PRKAG2: variants seen among roughly 807,000 people sequenced by gnomAD.
The protein encoded by PRKAG2 is protein kinase AMP-activated non-catalytic subunit gamma 2, also known as 5'-AMP-activated protein kinase subunit gamma-2.
In PRKAG2, 26 loss-of-function variants were observed where a neutral mutation model predicts 69.6. That is an observed-to-expected ratio of 0.37 (90% CI 0.27 to 0.52). The LOEUF (loss-of-function observed/expected upper bound fraction) is 0.52, where lower values mean the gene tolerates loss of function less well. PRKAG2 is among the 20% of genes least tolerant of loss of function. The probability of loss-of-function intolerance (pLI) is 0.90; values close to 1 mark genes in which losing one functional copy is unlikely to be tolerated. For missense variants in PRKAG2, 557 were observed against 740.0 expected, an observed-to-expected ratio of 0.75 and a Z score of 2.87; for synonymous variants, 293 against 285.0, an observed-to-expected ratio of 1.03 and a Z score of -0.28.
intron 5 of PRKAG2, among the ~76,000 whole-genome samples, chr7:151,623,068 T>TA (rs1020728271): frequency 6.6e-6 from 1 of 152,038 alleles, no homozygotes; most frequent in African/African-American, 2.4e-5. Flanking sequence ...TGGCATGAGT[T>TA]AGAGTCTCAT....
intron 5 of PRKAG2, among the ~76,000 whole-genome samples, chr7:151,627,795 C>T (rs112856920): frequency 3.8e-4 from 58 of 152,136 alleles, no homozygotes; most frequent in African/African-American, 1.3e-3. Flanking sequence ...CCCAAGTAGC[C>T]GGAACCACAG....
chr7:151,791,122 T>C (rs2077257061), intron 1 of PRKAG2, among the ~76,000 whole-genome samples: 1 of 152,170 alleles, frequency 6.6e-6, no homozygotes, highest in Admixed American at 6.5e-5. Context: ...CTGGCACAGA[T>C]GGCAGGCTTT....
At chr7:151,861,039 G>C (rs1332763325) in intron 1 of PRKAG2, among the ~76,000 whole-genome samples, 50 of 152,204 alleles carry the variant, frequency 3.3e-4, no homozygotes, top group Admixed American at 3.3e-3. Flanking sequence ...CCAAGGCCAA[G>C]CCCATTTCTA....
intron 4 of PRKAG2, among the ~76,000 whole-genome samples, chr7:151,669,751 T>G (rs1223972263): frequency 6.6e-6 from 1 of 151,206 alleles, no homozygotes; most frequent in Non-Finnish European, 1.5e-5. Flanking sequence ...TGCACACACC[T>G]GCATGCACAC....
Position 151,814,345 on chromosome 7 carries a change from G to A in PRKAG2, c.115-27804C>T, listed in dbSNP as rs2078572333. The A allele has an allele frequency of 9.3e-7, 1 of 1,079,464 alleles. No homozygotes were observed. The highest frequency in any genetic ancestry group is 1.2e-6 in the Non-Finnish European group (1 of 862,792). The allele number at this position is 1,079,464 out of a possible 1,614,324, so 66.9% of individuals were successfully genotyped here. Reference sequence around the variant, plus strand: ...ACCAAGGAGACAAAGCATCGTGAGGGGGAAAACCGCACACCCAGGGACGCA... The same window carrying A: ...ACCAAGGAGACAAAGCATCGTGAGGAGGAAAACCGCACACCCAGGGACGCA... On this transcript the variant is annotated intron_variant, in intron 1 of 15. Coordinates refer to ENST00000287878, the MANE Select transcript of PRKAG2 (RefSeq NM_016203.4). This position sits in a 1 kb window ranked among gnomAD's most constrained non-coding sequence, Gnocchi z 4.8.
At chr7:151,584,647 T>G (rs1811224425) in intron 6 of PRKAG2, among the ~76,000 whole-genome samples, 1 of 152,156 alleles carries the variant, frequency 6.6e-6, no homozygotes, top group African/African-American at 2.4e-5. Context: ...CTAGGCACAG[T>G]GGCTTCGGGA....
intron 1 of PRKAG2, among the ~76,000 whole-genome samples, chr7:151,804,957 A>G (rs1042394938): frequency 6.6e-6 from 1 of 152,174 alleles, no homozygotes; most frequent in Admixed American, 6.5e-5. Flanking sequence ...TCAAAGTCTG[A>G]AAGCCGCTGC....
intron 4 of PRKAG2, among the ~76,000 whole-genome samples, chr7:151,661,359 G>T (rs993612135): frequency 3.9e-5 from 6 of 152,012 alleles, no homozygotes; most frequent in Non-Finnish European, 8.8e-5. Flanking sequence ...TATGTTTTTG[G>T]TAGAGACGGG....
intron 3 of PRKAG2, among the ~76,000 whole-genome samples, chr7:151,712,210 C>A (rs1217980676): frequency 6.6e-6 from 1 of 152,228 alleles, no homozygotes; most frequent in Admixed American, 6.5e-5. Context: ...CTCCGCCCGA[C>A]CCTCTGAGAG....
At chr7:151,855,347 T>C (rs369879473) in intron 1 of PRKAG2, among the ~76,000 whole-genome samples, 97 of 1,206 alleles carry the variant, frequency 0.08, 3 homozygotes, top group Admixed American at 0.11. Flanking sequence ...ACACACACCA[T>C]GCTCCACACA....
chr7:151,630,778 G>A (rs1381702554), intron 5 of PRKAG2, among the ~76,000 whole-genome samples: 3 of 152,206 alleles, frequency 2.0e-5, no homozygotes, highest in African/African-American at 7.2e-5. Context: ...GCCAAGATTT[G>A]GCCTGCAATA....
chr7:151,795,613 G>A (rs1020094746), intron 1 of PRKAG2, among the ~76,000 whole-genome samples: 13 of 152,062 alleles, frequency 8.5e-5, no homozygotes, highest in Admixed American at 7.9e-4. Flanking sequence ...ATTTGCAGAC[G>A]TGGATGACAT....
chr7:151,642,375 G>A (rs995850996), intron 4 of PRKAG2, among the ~76,000 whole-genome samples: 1 of 151,664 alleles, frequency 6.6e-6, no homozygotes, highest in African/African-American at 2.4e-5. Context: ...CAAAACAAAA[G>A]GTAGCTGGGC....
chr7:151,696,959 G>A (rs565842630), intron 3 of PRKAG2, among the ~76,000 whole-genome samples: 44 of 152,268 alleles, frequency 2.9e-4, no homozygotes, highest in African/African-American at 9.1e-4. Context: ...TTCACCTGCC[G>A]CAGATTCCCC....
chr7:151,850,336 G>T lies in PRKAG2; in HGVS notation c.114+26171C>A, dbSNP rs75357180. 2.2e-3 allele frequency among the ~76,000 whole-genome samples: 335 copies of T among 152,330 alleles called. 1 individual carries two copies. The highest frequency in any genetic ancestry group is 7.3e-3 in the African/African-American group (303 of 41,560). On this transcript the variant is annotated intron_variant, in intron 1 of 15. Transcript: ENST00000287878. This position sits in a 1 kb window ranked among gnomAD's most constrained non-coding sequence, Gnocchi z 4.1. ...TCCAGAAGGTTTCTCCTGGAAGGAG[G>T]GATCAAATCTGTCTAAGCTCCGAAG...
intron 6 of PRKAG2, among the ~76,000 whole-genome samples, chr7:151,577,128 A>G (rs950543027): frequency 2.0e-5 from 3 of 151,552 alleles, no homozygotes; most frequent in Admixed American, 6.6e-5. Flanking sequence ...AGTTGTATCA[A>G]ATTACCTGAA....
At chr7:151,599,768 T>C (rs1815563041) in intron 5 of PRKAG2, among the ~76,000 whole-genome samples, 1 of 152,196 alleles carries the variant, frequency 6.6e-6, no homozygotes, top group African/African-American at 2.4e-5. Flanking sequence ...CCTCCTGCTG[T>C]GCAGCCCATT....
chr7:151,851,760 A>T (rs140242554), intron 1 of PRKAG2, among the ~76,000 whole-genome samples: 3 of 152,244 alleles, frequency 2.0e-5, no homozygotes, highest in Non-Finnish European at 4.4e-5. Flanking sequence ...CTCCCTCCTC[A>T]TGGGTCCCCC....
At chr7:151,873,431 T>G (rs978346698) in intron 1 of PRKAG2, among the ~76,000 whole-genome samples, 1 of 152,220 alleles carries the variant, frequency 6.6e-6, no homozygotes, top group Non-Finnish European at 1.5e-5. Flanking sequence ...AAGCCTCATT[T>G]TCCCAGCGAG....
Sources: allele counts gnomAD v4.1 joint callset (sites outside exome capture counted in the v4.1 genomes callset), GRCh38; gene constraint gnomAD v4.1.1; non-coding constraint Gnocchi (gnomAD v3.1); transcripts MANE v1.5; gene names NCBI Gene and HGNC (gene_info 2026-07-23, HGNC 2026-07-21).